PCCA: variants seen among roughly 807,000 people sequenced by gnomAD.
PCCA encodes propionyl-CoA carboxylase subunit alpha.
A neutral mutation model predicts 101.3 loss-of-function variants in PCCA; 74 were observed. The observed-to-expected ratio is 0.73, with a 90% CI of 0.61 to 0.89. PCCA has a LOEUF of 0.89. PCCA is among the 40% of genes least tolerant of loss of function. The probability of loss-of-function intolerance (pLI) is 0.00; values close to 1 mark genes in which losing one functional copy is unlikely to be tolerated. For missense variants in PCCA, 891 were observed against 907.0 expected, an observed-to-expected ratio of 0.98 and a Z score of 0.23; for synonymous variants, 294 against 313.6, an observed-to-expected ratio of 0.94 and a Z score of 0.66.
At chr13:100,294,654 A>C (rs2065383734) in intron 12 of PCCA, among the ~76,000 whole-genome samples, 1 of 152,188 alleles carries the variant, frequency 6.6e-6, no homozygotes, top group Non-Finnish European at 1.5e-5. Context: ...TATTAAATGC[A>C]TATTTAGTTT....
chr13:100,219,611 A>T (rs2059700959), intron 7 of PCCA, among the ~76,000 whole-genome samples: 1 of 152,196 alleles, frequency 6.6e-6, no homozygotes, highest in Non-Finnish European at 1.5e-5. Flanking sequence ...CTTGTGGAAC[A>T]ATGGCAGGAA....
chr13:100,147,099 A>G (rs1167840660), intron 4 of PCCA, among the ~76,000 whole-genome samples: 1 of 152,188 alleles, frequency 6.6e-6, no homozygotes, highest in Non-Finnish European at 1.5e-5. Flanking sequence ...TAAACATGAA[A>G]TAAAACTCTG....
chr13:100,097,448 A>C lies in PCCA; in HGVS notation c.106-5435A>C, dbSNP rs141309244. ...AAAAATAAAAGAATGGTCCGGGTGC[A>C]GTGGCTCACACCTGTAATCCCAGCA... On this transcript the variant is annotated intron_variant, in intron 1 of 23. Transcript: ENST00000376285. Among the ~76,000 whole-genome samples, 90 of 152,146 alleles carry C rather than the reference A, an allele frequency of 5.9e-4. 1 individual carries two copies. The highest frequency in any genetic ancestry group is 1.7e-3 in the African/African-American group (71 of 41,512).
At chr13:100,256,098 C>T (rs1195937691) in intron 8 of PCCA, among the ~76,000 whole-genome samples, 1 of 152,132 alleles carries the variant, frequency 6.6e-6, no homozygotes, top group Non-Finnish European at 1.5e-5. Context: ...ATCTCCGCCT[C>T]CCAGGTTCAA....
At chr13:100,333,448 C>A (rs1303741040) in intron 17 of PCCA, among the ~76,000 whole-genome samples, 1 of 152,128 alleles carries the variant, frequency 6.6e-6, no homozygotes, top group Non-Finnish European at 1.5e-5. Flanking sequence ...TGTTTATTAT[C>A]CCACATTTAT....
Position 100,234,001 on chromosome 13 carries a change from TGTTA to T in PCCA, c.601-1837_601-1834del, listed in dbSNP as rs571432811. 9.2e-4 allele frequency among the ~76,000 whole-genome samples: 140 copies of T among 152,264 alleles called. 1 individual carries two copies. The highest frequency in any genetic ancestry group is 3.2e-3 in the African/African-American group (132 of 41,506). On this transcript the variant is annotated intron_variant, in intron 7 of 23. Coordinates refer to ENST00000376285, the MANE Select transcript of PCCA (RefSeq NM_000282.4). ...TTTGAATTACCTTTTAAAACTTGCCTGTTAGTTCTCTCAAGTGATGAACTTTTTA... is the reference window on the plus strand; with the variant it reads ...TTTGAATTACCTTTTAAAACTTGCCTGTTCTCTCAAGTGATGAACTTTTTA...
chr13:100,208,441 G>T (rs149285658), intron 6 of PCCA, among the ~76,000 whole-genome samples: 13 of 152,320 alleles, frequency 8.5e-5, no homozygotes, highest in Non-Finnish European at 1.8e-4. Context: ...AGGACAATCA[G>T]CAGTTAGGCG....
At chr13:100,347,608 T>C in intron 18 of PCCA, among the ~76,000 whole-genome samples, 1 of 152,210 alleles carries the variant, frequency 6.6e-6, no homozygotes, top group South Asian at 2.1e-4. Context: ...AAGTGGAGGT[T>C]AAGAAGCAAT....
chr13:100,311,086 TAGTC>T (rs1169409604), intron 16 of PCCA, among the ~76,000 whole-genome samples: 2 of 151,654 alleles, frequency 1.3e-5, no homozygotes, highest in Admixed American at 1.3e-4. Context: ...ATACAAAAAT[TAGTC>T]AGGCGTGGTG....
chr13:100,336,037 C>T (rs141705844), intron 17 of PCCA, among the ~76,000 whole-genome samples: 3 of 152,116 alleles, frequency 2.0e-5, no homozygotes, highest in Non-Finnish European at 4.4e-5. Context: ...CCGAGTGGGG[C>T]GGATCGCCTG....
intron 21 of PCCA, among the ~76,000 whole-genome samples, chr13:100,506,400 G>C (rs1484737583): frequency 1.9e-4 from 28 of 147,604 alleles, no homozygotes; most frequent in Non-Finnish European, 3.0e-5. Context: ...CGGGGGCGGC[G>C]GGGGTTTCAG....
intron 19 of PCCA, among the ~76,000 whole-genome samples, chr13:100,369,790 A>T (rs2075447078): frequency 6.6e-6 from 1 of 152,212 alleles, no homozygotes; most frequent in Non-Finnish European, 1.5e-5. Flanking sequence ...TGACATGGTC[A>T]TTTCAGAAAA....
chr13:100,247,001 C>T (rs531468131), intron 8 of PCCA, among the ~76,000 whole-genome samples: 24 of 151,640 alleles, frequency 1.6e-4, no homozygotes, highest in African/African-American at 5.1e-4. Flanking sequence ...CTCCGCCTCC[C>T]GGGTTCAAGT....
rs189137115 is a variant in PCCA at position 100,292,299 on chromosome 13, A to G, written c.1066-9161A>G. Among the ~76,000 whole-genome samples the G allele has an allele frequency of 1.0e-3, 159 of 152,320 alleles. 2 individuals carry two copies. The highest frequency in any genetic ancestry group is 1.2e-3 in the East Asian group (6 of 5,186). On this transcript the variant is annotated intron_variant, in intron 12 of 23. Transcript: ENST00000376285. ...TTGTTTTTGTTAATTGCAAACATCTACTGTTTTCACTCAGAGCAAGTAAAT... is the reference window on the plus strand; with the variant it reads ...TTGTTTTTGTTAATTGCAAACATCTGCTGTTTTCACTCAGAGCAAGTAAAT...
At chr13:100,260,398 T>TA (rs59230228) in intron 9 of PCCA, among the ~76,000 whole-genome samples, 1 of 131,806 alleles carries the variant, frequency 7.6e-6, no homozygotes, top group Non-Finnish European at 1.6e-5. Context: ...TGTGTGTGTG[T>TA]TTTTTTTTTT....
chr13:100,296,217 C>T (rs2065510698), intron 12 of PCCA, among the ~76,000 whole-genome samples: 1 of 151,654 alleles, frequency 6.6e-6, no homozygotes, highest in African/African-American at 2.4e-5. Context: ...TCTAGGGACA[C>T]TATTTTTATT....
intron 6 of PCCA, among the ~76,000 whole-genome samples, chr13:100,186,418 A>C (rs2057269382): frequency 6.6e-6 from 1 of 152,080 alleles, no homozygotes; most frequent in Non-Finnish European, 1.5e-5. Context: ...TATTTCTGCT[A>C]ATGGATGGGG....
chr13:100,468,975 G>T (rs2082749947), intron 21 of PCCA, among the ~76,000 whole-genome samples: 1 of 152,050 alleles, frequency 6.6e-6, no homozygotes, highest in African/African-American at 2.4e-5. Context: ...ACTTTGGGAG[G>T]CTGAGGCGGG....
intron 19 of PCCA, among the ~76,000 whole-genome samples, chr13:100,407,041 T>C (rs2077725695): frequency 6.6e-6 from 1 of 152,188 alleles, no homozygotes; most frequent in Non-Finnish European, 1.5e-5. Flanking sequence ...ATATCCAGGG[T>C]AGTTACAGTT....
Sources: gnomAD v4.1 joint callset for allele counts (sites outside exome capture counted in the v4.1 genomes callset) on GRCh38, gnomAD v4.1.1 for gene constraint, MANE v1.5 for transcripts, NCBI Gene and HGNC (gene_info 2026-07-23, HGNC 2026-07-21) for gene names.